Variants in SPSB1 observed in about 807,000 individuals in gnomAD.
SPSB1 encodes the protein splA/ryanodine receptor domain and SOCS box containing 1.
A neutral mutation model predicts 21.2 loss-of-function variants in SPSB1; 8 were observed. The observed-to-expected ratio is 0.38, with a 90% CI of 0.22 to 0.68. The LOEUF (loss-of-function observed/expected upper bound fraction) is 0.68, where lower values mean the gene tolerates loss of function less well. Ranked by LOEUF, SPSB1 falls within the 30% of genes least tolerant of loss-of-function variation. The probability of loss-of-function intolerance (pLI) is 0.53; values close to 1 mark genes in which losing one functional copy is unlikely to be tolerated. For missense variants in SPSB1, 242 were observed against 377.8 expected (o/e 0.64, Z 2.98); for synonymous variants, 169 against 161.7 (o/e 1.05, Z -0.34).
chr1:9,354,879 C>T (rs1380270867), intron 1 of SPSB1, among the ~76,000 whole-genome samples: 1 of 152,158 alleles, frequency 6.6e-6, no homozygotes, highest in African/African-American at 2.4e-5. Flanking sequence ...TCCCCCAACC[C>T]AGAGTCCCTG....
rs1640607617 is a variant in SPSB1 at position 9,368,038 on chromosome 1, G to A, written c.*463G>A. Reference sequence around the variant, plus strand: ...AGACAAGGGCTGGTGCCCGGCCCAGGGTGCCCAGCGGGGCCATGCCATGGC... The same window carrying A: ...AGACAAGGGCTGGTGCCCGGCCCAGAGTGCCCAGCGGGGCCATGCCATGGC... On this transcript the variant is annotated 3_prime_UTR_variant, in exon 3 of 3. Transcript: ENST00000328089. 1.2e-5 allele frequency: 2 copies of A among 167,842 alleles called. No individual in the cohort carries two copies. Among genetic ancestry groups the A allele is most frequent in the African/African-American group, 2.4e-5 (1 of 41,570 alleles). 10.4% of individuals were successfully genotyped at this position (167,842 alleles called of 1,614,324 possible).
intron 1 of SPSB1, among the ~76,000 whole-genome samples, chr1:9,307,055 G>A (rs1401397030): frequency 6.6e-6 from 1 of 151,820 alleles, no homozygotes; most frequent in Non-Finnish European, 1.5e-5. Context: ...AGCCTCCTGG[G>A]TAGCTGGGAT....
chr1:9,357,137 ATGGATGGATGGGTGGATGGATGGG>A (rs1173940705), intron 2 of SPSB1, among the ~76,000 whole-genome samples: 8 of 90,214 alleles, frequency 8.9e-5, no homozygotes, highest in Middle Eastern at 5.3e-3. Context: ...GGATGAGTGG[ATGGATGGATGGGTGGATGGATGGG>A]TGGATGGATG....
chr1:9,365,057 A>G (rs1020955908), intron 2 of SPSB1, among the ~76,000 whole-genome samples: 6 of 152,112 alleles, frequency 3.9e-5, no homozygotes, highest in Non-Finnish European at 5.9e-5. Context: ...AGGGTTCACC[A>G]TGTTGGCCAG....
intron 1 of SPSB1, among the ~76,000 whole-genome samples, chr1:9,349,847 A>G (rs1411170159): frequency 6.6e-6 from 1 of 152,144 alleles, no homozygotes; most frequent in African/African-American, 2.4e-5. Context: ...AAATGTTGCT[A>G]GGAGTTCCCA....
rs76253052 is a variant in SPSB1 at position 9,348,937 on chromosome 1, ATGTGTGTGTG to A, written c.-149-6788_-149-6779del. 1.3e-4 allele frequency among the ~76,000 whole-genome samples: 20 copies of A among 150,838 alleles called. No individual in the cohort carries two copies. Among genetic ancestry groups the A allele is most frequent in the East Asian group, 5.9e-4 (3 of 5,056 alleles). Reference sequence around the variant, plus strand: ...GACATCCCCTTTCACTCGTGCAAGAATGTGTGTGTGTGTGTGTGTGTGTGTGTATATGTGC... The same window carrying A: ...GACATCCCCTTTCACTCGTGCAAGAATGTGTGTGTGTGTGTGTATATGTGC... On this transcript the variant is annotated intron_variant, in intron 1 of 2. Coordinates refer to ENST00000328089, the MANE Select transcript of SPSB1 (RefSeq NM_025106.4). This position sits in a 1 kb window ranked among gnomAD's most constrained non-coding sequence, Gnocchi z 4.8.
At chr1:9,351,965 C>T (rs754157675) in intron 1 of SPSB1, among the ~76,000 whole-genome samples, 2 of 152,184 alleles carry the variant, frequency 1.3e-5, no homozygotes, top group Non-Finnish European at 2.9e-5. Context: ...TACCTGCCTG[C>T]CCTGCCCGGG....
chr1:9,298,565 T>C (rs1639265442), intron 1 of SPSB1, among the ~76,000 whole-genome samples: 1 of 152,236 alleles, frequency 6.6e-6, no homozygotes. Context: ...CAAAGGGACC[T>C]GTGACCTTTT....
At chr1:9,306,914 CTT>C (rs773534385) in intron 1 of SPSB1, among the ~76,000 whole-genome samples, 3,875 of 83,438 alleles carry the variant, frequency 0.046, 70 homozygotes, top group Middle Eastern at 0.06. Flanking sequence ...TTTTCTTTTA[CTT>C]TTCTTCTTTT....
chr1:9,336,373 C>T (rs184894579), intron 1 of SPSB1, among the ~76,000 whole-genome samples: 40 of 152,160 alleles, frequency 2.6e-4, no homozygotes, highest in African/African-American at 9.4e-4. Flanking sequence ...ATTACAGGCA[C>T]GCACCACTAT....
intron 1 of SPSB1, among the ~76,000 whole-genome samples, chr1:9,332,682 G>A (rs766915208): frequency 6.6e-6 from 1 of 152,234 alleles, no homozygotes; most frequent in Non-Finnish European, 1.5e-5. Flanking sequence ...CAGAACCTTA[G>A]AGAGTGAGTC....
intron 1 of SPSB1, among the ~76,000 whole-genome samples, chr1:9,332,360 A>G (rs1338338891): frequency 6.6e-6 from 1 of 152,142 alleles, no homozygotes; most frequent in Non-Finnish European, 1.5e-5. Context: ...GTTTGGCGCT[A>G]ATGTGGGAAG....
chr1:9,367,870 G>A lies in SPSB1; in HGVS notation c.*295G>A, dbSNP rs1267374276. On this transcript the variant is annotated 3_prime_UTR_variant, in exon 3 of 3. Coordinates refer to ENST00000328089, the MANE Select transcript of SPSB1 (RefSeq NM_025106.4). This position sits in a 1 kb window ranked among gnomAD's most constrained non-coding sequence, Gnocchi z 5.9. ...TAAACTCCTACGAAAGCCCTACATT[G>A]AGCTCCAATCTGCTCGGGGTGGGAC... 2.6e-6 allele frequency: 1 copy of A among 390,976 alleles called. No individual in the cohort carries two copies. Among genetic ancestry groups the A allele is most frequent in the African/African-American group, 2.0e-5 (1 of 48,802 alleles). 24.2% of individuals were successfully genotyped at this position (390,976 alleles called of 1,614,324 possible). A position where few individuals can be genotyped will look rare whatever the true frequency, so the allele number is the denominator to read the frequency against.
At chr1:9,358,191 C>T (rs894419369) in intron 2 of SPSB1, among the ~76,000 whole-genome samples, 1 of 152,222 alleles carries the variant, frequency 6.6e-6, no homozygotes, top group African/African-American at 2.4e-5. Context: ...TAGGCATGCG[C>T]AAACGCTTAC....
intron 2 of SPSB1, among the ~76,000 whole-genome samples, chr1:9,360,112 G>A (rs775448548): frequency 6.6e-6 from 1 of 152,140 alleles, no homozygotes; most frequent in Non-Finnish European, 1.5e-5. Flanking sequence ...GCACATAGGC[G>A]ACTTCAGAGC....
chr1:9,352,225 G>A (rs1557463396), intron 1 of SPSB1, among the ~76,000 whole-genome samples: 1 of 152,226 alleles, frequency 6.6e-6, no homozygotes, highest in East Asian at 1.9e-4. Flanking sequence ...GAGCCGACCT[G>A]GACAGACAGA....
intron 1 of SPSB1, among the ~76,000 whole-genome samples, chr1:9,337,400 C>T (rs1327186473): frequency 6.6e-6 from 1 of 152,062 alleles, no homozygotes; most frequent in Non-Finnish European, 1.5e-5. Context: ...AGGCACCTCA[C>T]ACCTGGCCAG....
chr1:9,339,240 G>A, intron 1 of SPSB1: 2 of 985,404 alleles, frequency 2.0e-6, no homozygotes, highest in Non-Finnish European at 2.4e-6. Flanking sequence ...CACTTGCCTA[G>A]AATATTCGAG....
At position 9,310,688 on chromosome 1, in the gene SPSB1, C is replaced by T. The variant is rs577884262; in HGVS notation, c.-150+17617C>T. On this transcript the variant is annotated intron_variant, in intron 1 of 2. Transcript: ENST00000328089. ...ACAGCCTGGGCAATGGGAGTTAGAC[C>T]TTGTCTTAAAAAAAAAAAAAGAGAG... is the stretch of plus-strand genomic sequence containing the variant. Among the ~76,000 whole-genome samples the T allele has an allele frequency of 2.4e-3, 359 of 151,354 alleles. 2 individuals carry two copies. The highest frequency in any genetic ancestry group is 8.1e-3 in the African/African-American group (331 of 41,094).
Sources: gnomAD v4.1 joint callset for allele counts (sites outside exome capture counted in the v4.1 genomes callset) on GRCh38, gnomAD v4.1.1 for gene constraint, Gnocchi (gnomAD v3.1) non-coding constraint, MANE v1.5 for transcripts, NCBI Gene and HGNC (gene_info 2026-07-23, HGNC 2026-07-21) for gene names.